TMED3: variants seen among roughly 807,000 people sequenced by gnomAD.
TMED3 encodes transmembrane p24 trafficking protein 3.
TMED3 carries 9 observed loss-of-function variants against 15.0 expected under a neutral mutation model. The ratio of observed to expected loss-of-function variants is 0.60; its 90% CI spans 0.36 to 1.04. The LOEUF (loss-of-function observed/expected upper bound fraction) is 1.04, where lower values mean the gene tolerates loss of function less well. Among genes scored for constraint, TMED3 ranks in the 50% least tolerant of loss-of-function variants. TMED3 has a pLI of 0.01. For synonymous variants in TMED3, 117 were observed against 121.4 expected (o/e 0.96, Z 0.24); for missense variants, 267 against 278.9 (o/e 0.96, Z 0.30).
chr15:79,335,556 C>T (rs2058824185), intron 2 of TMED3, among the ~76,000 whole-genome samples: 1 of 152,038 alleles, frequency 6.6e-6, no homozygotes, highest in Non-Finnish European at 1.5e-5. Flanking sequence ...GCACAGAGCA[C>T]CTTTGAACCA....
chr15:79,385,482 C>T (rs1231456016), intron 2 of TMED3, among the ~76,000 whole-genome samples: 2 of 152,190 alleles, frequency 1.3e-5, no homozygotes, highest in East Asian at 3.8e-4. Flanking sequence ...TTGTGAGGTG[C>T]TGCACCTGGG....
chr15:79,411,857 G>A (rs1204436081), exon 3 of TMED3: 9 of 220,938 alleles, frequency 4.1e-5, no homozygotes, highest in East Asian at 3.8e-4. Flanking sequence ...CTCTAGGCTC[G>A]ACTTGCTCCC....
chr15:79,384,616 TAC>T (rs2141251069), intron 2 of TMED3: 1 of 152,376 alleles, frequency 6.6e-6, no homozygotes, highest in African/African-American at 2.4e-5. Context: ...ACCATGTGTA[TAC>T]TCAAGTAGGT....
At chr15:79,330,091 T>C (rs1280932337) in intron 2 of TMED3, among the ~76,000 whole-genome samples, 1 of 152,170 alleles carries the variant, frequency 6.6e-6, no homozygotes, top group Non-Finnish European at 1.5e-5. Flanking sequence ...TAACATCATA[T>C]TGAACAGTGA....
chr15:79,402,367 C>T (rs965689695), intron 2 of TMED3, among the ~76,000 whole-genome samples: 1 of 152,218 alleles, frequency 6.6e-6, no homozygotes, highest in African/African-American at 2.4e-5. Context: ...GTGGCTCATG[C>T]TGAGGCTTTA....
chr15:79,311,796 G>A (rs1234071984), intron 1 of TMED3, among the ~76,000 whole-genome samples: 1 of 152,152 alleles, frequency 6.6e-6, no homozygotes, highest in African/African-American at 2.4e-5. Flanking sequence ...ACCACCTTGT[G>A]CCTTCGAGTA....
intron 2 of TMED3, 27 bp downstream of exon 2, chr15:79,314,032 T>C (rs763863907): frequency 2.5e-6 from 4 of 1,612,964 alleles, no homozygotes; most frequent in Non-Finnish European, 3.4e-6. Flanking sequence ...AGTTCGGGGC[T>C]GCTGAACCCC....
At chr15:79,406,135 G>A (rs1156627934) in intron 2 of TMED3, among the ~76,000 whole-genome samples, 1 of 152,078 alleles carries the variant, frequency 6.6e-6, no homozygotes, top group Non-Finnish European at 1.5e-5. Flanking sequence ...ATGTGATGAG[G>A]ACCATCACAC....
intron 2 of TMED3, among the ~76,000 whole-genome samples, chr15:79,368,499 T>C (rs369777659): frequency 2.0e-5 from 3 of 152,298 alleles, no homozygotes; most frequent in Admixed American, 1.3e-4. Context: ...AAAGGACCTA[T>C]GATAGGACTT....
At chr15:79,358,807 A>G (rs1360886033) in intron 2 of TMED3, among the ~76,000 whole-genome samples, 2 of 152,188 alleles carry the variant, frequency 1.3e-5, no homozygotes, top group African/African-American at 2.4e-5. Context: ...GGCTGGGCCT[A>G]TTTGCTCCTT....
intron 2 of TMED3, among the ~76,000 whole-genome samples, chr15:79,341,627 A>G (rs896731768): frequency 1.3e-5 from 2 of 152,168 alleles, no homozygotes; most frequent in Non-Finnish European, 2.9e-5. Context: ...CGGAACAGAA[A>G]AGTTTACAGG....
intron 2 of TMED3, among the ~76,000 whole-genome samples, chr15:79,390,352 T>G (rs1893680442): frequency 6.6e-6 from 1 of 152,218 alleles, no homozygotes; most frequent in African/African-American, 2.4e-5. Flanking sequence ...GATGATCATG[T>G]GATTTTTGTT....
At chr15:79,391,755 C>T (rs7162312) in intron 2 of TMED3, among the ~76,000 whole-genome samples, 73,260 of 151,786 alleles carry the variant, frequency 0.48, 17,974 homozygotes, top group East Asian at 0.69. Flanking sequence ...TTATAAATTT[C>T]GGAGCGCCAG....
At chr15:79,388,440 G>T (rs2141252666) in intron 2 of TMED3, among the ~76,000 whole-genome samples, 1 of 151,108 alleles carries the variant, frequency 6.6e-6, no homozygotes, top group South Asian at 2.1e-4. Context: ...TTTTAAGACG[G>T]GCTGAGTAGT....
chr15:79,410,651 A>C (rs1463108637), intron 2 of TMED3, among the ~76,000 whole-genome samples: 3 of 152,054 alleles, frequency 2.0e-5, no homozygotes, highest in Non-Finnish European at 4.4e-5. Flanking sequence ...AAATTGTGGA[A>C]AAAAATAAGA....
chr15:79,413,778 G>A (rs1894030189), exon 3 of TMED3: 1 of 152,208 alleles, frequency 6.6e-6, no homozygotes, highest in African/African-American at 2.4e-5. Context: ...GGGTAAGGAT[G>A]CCTTCATACC....
At chr15:79,364,895 G>T (rs956020106) in intron 2 of TMED3, among the ~76,000 whole-genome samples, 7 of 152,222 alleles carry the variant, frequency 4.6e-5, no homozygotes, top group Non-Finnish European at 1.0e-4. Flanking sequence ...CAGGACACTG[G>T]GAAAGAGCTT....
chr15:79,353,910 G>T (rs1595897684), intron 2 of TMED3, among the ~76,000 whole-genome samples: 1 of 152,086 alleles, frequency 6.6e-6, no homozygotes, highest in Admixed American at 6.6e-5. Context: ...GGAGAACCAA[G>T]TGACCCCAGC....
chr15:79,329,413 G>C (rs1031096523), intron 2 of TMED3, among the ~76,000 whole-genome samples: 1 of 152,258 alleles, frequency 6.6e-6, no homozygotes, highest in Non-Finnish European at 1.5e-5. Context: ...ATCCTGGCCA[G>C]AGTGACTCAG....
Sources: gnomAD v4.1 joint callset for allele counts (sites outside exome capture counted in the v4.1 genomes callset) on GRCh38, gnomAD v4.1.1 for gene constraint, MANE v1.5 for transcripts, NCBI Gene and HGNC (gene_info 2026-07-23, HGNC 2026-07-21) for gene names.